Variants in DLGAP1 observed in about 807,000 individuals in gnomAD.
The protein encoded by DLGAP1 is DLG associated protein 1, also known as disks large-associated protein 1.
A neutral mutation model predicts 90.8 loss-of-function variants in DLGAP1; 11 were observed. That is an observed-to-expected ratio of 0.12 (90% CI 0.08 to 0.20). The LOEUF (loss-of-function observed/expected upper bound fraction) is 0.20. Ranked by LOEUF, DLGAP1 falls within the 10% of genes least tolerant of loss-of-function variation. The pLI is 1.00. For synonymous variants in DLGAP1, 558 were observed against 540.7 expected (o/e 1.03, Z -0.44); for missense variants, 1,050 against 1,333.8 (o/e 0.79, Z 3.31).
chr18:3,892,321 G>T (rs1300148552), intron 3 of DLGAP1, among the ~76,000 whole-genome samples: 1 of 151,968 alleles, frequency 6.6e-6, no homozygotes, highest in Non-Finnish European at 1.5e-5. Flanking sequence ...CCCTGACCCG[G>T]CGTCCATCTG....
intron 7 of DLGAP1, among the ~76,000 whole-genome samples, chr18:3,648,511 G>A (rs2059195491): frequency 6.6e-6 from 1 of 152,188 alleles, no homozygotes; most frequent in Non-Finnish European, 1.5e-5. Flanking sequence ...ATTATGGTGT[G>A]TTCCAAAATT....
rs1309992491 is a variant in DLGAP1 at position 3,858,458 on chromosome 18, A to C, written c.957+20654T>G. ...AAGTGTCTGAATTAAAAATTATATC[A>C]TATACAACAAAAGGGAAACATATAT... On this transcript the variant is annotated intron_variant, in intron 4 of 12. Transcript: ENST00000315677. Among the ~76,000 whole-genome samples the C allele has an allele frequency of 3.0e-5, 4 of 132,240 alleles. No homozygotes were observed. In the East Asian group the frequency reaches 6.8e-4, roughly 22 times the overall value. 86.8% of individuals were successfully genotyped at this position (132,240 alleles called of 152,430 possible). A position where few individuals can be genotyped will look rare whatever the true frequency, so the allele number is the denominator to read the frequency against.
At chr18:4,102,407 C>T (rs1245688869) in intron 2 of DLGAP1, among the ~76,000 whole-genome samples, 1 of 152,132 alleles carries the variant, frequency 6.6e-6, no homozygotes, top group Non-Finnish European at 1.5e-5. Context: ...ATGCTTTAAG[C>T]CAACTAGACT....
Position 3,496,398 on chromosome 18 carries a change from A to G in DLGAP1, c.*2787T>C, listed in dbSNP as rs991101617. 1.8e-4 allele frequency: 28 copies of G among 152,218 alleles called. No homozygotes were observed. Among genetic ancestry groups the G allele is most frequent in the African/African-American group, 6.5e-4 (27 of 41,448 alleles). The allele number at this position is 152,218 out of a possible 1,614,324, so 9.4% of individuals were successfully genotyped here. ...TTAAGGAAACATCTATAAATAACAG[A>G]AATATATTACAATAAATTAGTTCTA... On this transcript the variant is annotated 3_prime_UTR_variant, in exon 13 of 13. Transcript: ENST00000315677.
intron 5 of DLGAP1, among the ~76,000 whole-genome samples, chr18:3,773,042 AAAG>A (rs2064768331): frequency 6.6e-6 from 1 of 152,172 alleles, no homozygotes; most frequent in South Asian, 2.1e-4. Context: ...GATCAGGCTG[AAAG>A]AATACTGGAA....
intron 1 of DLGAP1, among the ~76,000 whole-genome samples, chr18:4,190,285 T>C (rs1359614338): frequency 6.6e-6 from 1 of 152,102 alleles, no homozygotes; most frequent in African/African-American, 2.4e-5. Context: ...GGTATATAAT[T>C]TCAACTATAT....
At chr18:4,260,423 T>C (rs1393896278) in intron 1 of DLGAP1, among the ~76,000 whole-genome samples, 1 of 152,240 alleles carries the variant, frequency 6.6e-6, no homozygotes, top group East Asian at 1.9e-4. Context: ...AGTTTCATTT[T>C]TCTTTAATAT....
chr18:3,527,410 C>CTGTTTTTTTTTTTTTTTT lies in DLGAP1; in HGVS notation c.2479+6783_2479+6784insAAAAAAAAAAAAAAAACA, dbSNP rs1555668846. ...GTGAGTAAACAGGTTATTTTCCAAA[C>CTGTTTTTTTTTTTTTTTT]TTTTTTTTTTTTTTTTTTTTTTGCC... On this transcript the variant is annotated intron_variant, in intron 10 of 12. Transcript: ENST00000315677. Among the ~76,000 whole-genome samples, 6 of 100,684 alleles carry CTGTTTTTTTTTTTTTTTT rather than the reference C, an allele frequency of 6.0e-5. 1 individual carries two copies. The highest frequency in any genetic ancestry group is 2.4e-4 in the Admixed American group (2 of 8,262). 66.1% of individuals were successfully genotyped at this position (100,684 alleles called of 152,430 possible).
intron 3 of DLGAP1, among the ~76,000 whole-genome samples, chr18:3,981,529 G>C (rs934276987): frequency 1.3e-5 from 2 of 152,228 alleles, no homozygotes; most frequent in African/African-American, 2.4e-5. Context: ...GAAGAGCAGA[G>C]TTTCTGGGGA....
At chr18:3,751,036 G>A (rs879297752) in intron 5 of DLGAP1, among the ~76,000 whole-genome samples, 5 of 152,066 alleles carry the variant, frequency 3.3e-5, no homozygotes, top group Non-Finnish European at 7.4e-5. Context: ...TTGGTTATAC[G>A]TTTGTGTACT....
At position 3,879,970 on chromosome 18, in the gene DLGAP1, C is replaced by T; in HGVS notation, c.99G>A (p.Leu33=). 6.2e-7 allele frequency: 1 copy of T among 1,612,720 alleles called. No homozygotes were observed. The highest frequency in any genetic ancestry group is 1.1e-5 in the South Asian group (1 of 91,056). The change falls in exon 4 of 13, where the codon CTG becomes CTA. Residue 33 remains leucine (L), a synonymous_variant. Transcript: ENST00000315677. This position sits in a 1 kb window ranked among gnomAD's most constrained non-coding sequence, Gnocchi z 6.6. The part of the protein sequence containing the change: ...LSHHSDRKPY[L]LSPVEHHPAD... ...CGGGGTGGTGCTCCACTGGGCTCAG[C>T]AGGTAGGGCTTGCGGTCGGAGTGGT...
chr18:3,588,726 G>A (rs1487345890), intron 7 of DLGAP1, among the ~76,000 whole-genome samples: 6 of 148,110 alleles, frequency 4.1e-5, no homozygotes, highest in African/African-American at 1.5e-4. Flanking sequence ...GTTGCAGTGA[G>A]CCAAGATCGC....
At chr18:3,777,050 G>A (rs2064970327) in intron 5 of DLGAP1, among the ~76,000 whole-genome samples, 1 of 152,186 alleles carries the variant, frequency 6.6e-6, no homozygotes, top group Non-Finnish European at 1.5e-5. Flanking sequence ...GCCTGACAAA[G>A]TGTTGGGATT....
intron 7 of DLGAP1, chr18:3,596,762 G>A (rs562676076): frequency 2.0e-6 from 1 of 497,428 alleles, no homozygotes; most frequent in African/African-American, 2.0e-5. Context: ...CTAACAATCA[G>A]GAAGGGGAGG....
At chr18:3,991,746 A>G (rs2073972983) in intron 3 of DLGAP1, among the ~76,000 whole-genome samples, 1 of 152,198 alleles carries the variant, frequency 6.6e-6, no homozygotes, top group Admixed American at 6.5e-5. Flanking sequence ...CAGACCAGGA[A>G]TCTCATATCT....
chr18:4,196,014 C>G (rs1439295338), intron 1 of DLGAP1, among the ~76,000 whole-genome samples: 2 of 152,174 alleles, frequency 1.3e-5, no homozygotes, highest in African/African-American at 4.8e-5. Context: ...GTTCTCATGC[C>G]TGTGGGTGCT....
intron 7 of DLGAP1, among the ~76,000 whole-genome samples, chr18:3,629,850 A>C (rs2058460329): frequency 6.6e-6 from 1 of 152,186 alleles, no homozygotes; most frequent in East Asian, 1.9e-4. Context: ...TGTGAAGGGC[A>C]AAGTTTGAAC....
intron 7 of DLGAP1, among the ~76,000 whole-genome samples, chr18:3,690,104 T>G (rs1406859509): frequency 4.7e-5 from 5 of 105,374 alleles, no homozygotes; most frequent in Non-Finnish European, 8.0e-5. Context: ...GTTTTTTTTT[T>G]TTTTTTTTTT....
At chr18:3,840,789 T>G (rs180718350) in intron 4 of DLGAP1, among the ~76,000 whole-genome samples, 5 of 152,278 alleles carry the variant, frequency 3.3e-5, no homozygotes, top group Non-Finnish European at 7.3e-5. Flanking sequence ...CACAGAAAGC[T>G]TTAGTAATTT....
Sources: gnomAD v4.1 joint callset for allele counts (sites outside exome capture counted in the v4.1 genomes callset) on GRCh38, gnomAD v4.1.1 for gene constraint, Gnocchi (gnomAD v3.1) non-coding constraint, MANE v1.5 for transcripts, NCBI Gene and HGNC (gene_info 2026-07-23, HGNC 2026-07-21) for gene names.